FAM135A: variants seen among roughly 807,000 people sequenced by gnomAD.
FAM135A encodes the protein protein FAM135A.
FAM135A carries 79 observed loss-of-function variants against 146.8 expected under a neutral mutation model. That is an observed-to-expected ratio of 0.54 (90% confidence interval 0.45 to 0.65). FAM135A has a LOEUF of 0.65. FAM135A is among the 30% of genes least tolerant of loss of function. The probability of loss-of-function intolerance (pLI) is 0.00; values close to 1 mark genes in which losing one functional copy is unlikely to be tolerated. For synonymous variants in FAM135A, 562 were observed against 603.6 expected, an observed-to-expected ratio of 0.93 and a Z score of 1.01; for missense variants, 1,623 against 1,758.2, an observed-to-expected ratio of 0.92 and a Z score of 1.38.
At position 70,525,917 on chromosome 6, in the gene FAM135A, G is replaced by GC; in HGVS notation, c.2833_2834insC (p.Asp945AlafsTer5). Reference sequence around the variant, plus strand: ...TAGTTGCAGCTCCAAACCTAACTTGGATACTATGTGTAAAGGCTTCCAGAG... The same window carrying GC: ...TAGTTGCAGCTCCAAACCTAACTTGGCATACTATGTGTAAAGGCTTCCAGAG... On this transcript the variant is annotated frameshift_variant, in exon 15 of 22. Coordinates refer to ENST00000418814, the MANE Select transcript of FAM135A (RefSeq NM_001162529.3). LOFTEE classifies it high-confidence loss of function. 6.2e-7 allele frequency: 1 copy of GC among 1,613,264 alleles called. No individual in the cohort carries two copies. Among genetic ancestry groups the GC allele is most frequent in the South Asian group, 1.1e-5 (1 of 90,964 alleles).
intron 4 of FAM135A, among the ~76,000 whole-genome samples, chr6:70,441,914 ACCT>A (rs1003968530): frequency 1.3e-5 from 2 of 151,896 alleles, no homozygotes; most frequent in African/African-American, 4.8e-5. Context: ...CGTACTCCTG[ACCT>A]CGTGATCCAC....
At chr6:70,470,643 C>G (rs1354128762) in intron 5 of FAM135A, among the ~76,000 whole-genome samples, 1 of 152,222 alleles carries the variant, frequency 6.6e-6, no homozygotes, top group African/African-American at 2.4e-5. Flanking sequence ...AGGCGTGAGC[C>G]ACTGCACCCA....
intron 20 of FAM135A, among the ~76,000 whole-genome samples, chr6:70,542,557 A>G (rs1798134046): frequency 6.6e-6 from 1 of 152,162 alleles, no homozygotes; most frequent in Admixed American, 6.5e-5. Context: ...TTTTTGAGAC[A>G]GGGTCTCATG....
intron 4 of FAM135A, among the ~76,000 whole-genome samples, chr6:70,429,207 A>C (rs1167564172): frequency 6.6e-6 from 1 of 152,116 alleles, no homozygotes; most frequent in Non-Finnish European, 1.5e-5. Context: ...AGAAACGAAC[A>C]TGTTATTTTT....
At chr6:70,544,250 G>T (rs542297544) in intron 20 of FAM135A, among the ~76,000 whole-genome samples, 3 of 151,986 alleles carry the variant, frequency 2.0e-5, no homozygotes, top group African/African-American at 7.2e-5. Context: ...TTTAAGGCCA[G>T]CCTGGACACT....
rs62421876 is a variant in FAM135A at position 70,560,169 on chromosome 6, C to T, written c.*248C>T. ...TATTACTTTTTCATATATTTTGCTA[C>T]CTAAGTATTTCAGTGAAACTTTAAG... On this transcript the variant is annotated 3_prime_UTR_variant, in exon 22 of 22. Coordinates refer to ENST00000418814, the MANE Select transcript of FAM135A (RefSeq NM_001162529.3). The T allele has an allele frequency of 7.8e-3, 2,879 of 370,202 alleles. 18 individuals carry two copies. Among genetic ancestry groups the T allele is most frequent in the Middle Eastern group, 0.016 (21 of 1,276 alleles). The allele number at this position is 370,202 out of a possible 1,614,324, so 22.9% of individuals were successfully genotyped here.
chr6:70,543,244 G>T (rs1370387537), intron 20 of FAM135A, among the ~76,000 whole-genome samples: 1 of 152,124 alleles, frequency 6.6e-6, no homozygotes, highest in Non-Finnish European at 1.5e-5. Context: ...GTGAACTTAA[G>T]CCCTGGCCAT....
rs193276485 is a variant in FAM135A, at chr6:70,512,452, T to C, written c.1029+9661T>C. ...TAAAAAATCATTTTTTTTTCCAAAA[T>C]GGCTATACAGTTTTAAACTCCTAAC... On this transcript the variant is annotated intron_variant, in intron 12 of 21. Coordinates refer to ENST00000418814, the MANE Select transcript of FAM135A (RefSeq NM_001162529.3). Among the ~76,000 whole-genome samples, 595 of 151,878 alleles carry C rather than the reference T, an allele frequency of 3.9e-3. 8 individuals are homozygous for C. Among genetic ancestry groups the C allele is most frequent in the African/African-American group, 0.014 (574 of 41,516 alleles).
At chr6:70,535,734 C>T (rs1424322273) in intron 18 of FAM135A, among the ~76,000 whole-genome samples, 1 of 152,064 alleles carries the variant, frequency 6.6e-6, no homozygotes, top group Non-Finnish European at 1.5e-5. Flanking sequence ...TTTGCATAAT[C>T]GAAGATTCAT....
chr6:70,504,315 T>C (rs1356899533), intron 12 of FAM135A: 1 of 152,248 alleles, frequency 6.6e-6, no homozygotes, highest in East Asian at 1.9e-4. Flanking sequence ...TCTAATAAGA[T>C]AACTTTTTTC....
At chr6:70,533,694 T>C (rs962633109) in intron 17 of FAM135A, 63 bp from the exon 18 acceptor site, 5 of 959,212 alleles carry the variant, frequency 5.2e-6, no homozygotes, top group Non-Finnish European at 7.8e-6. Context: ...GTTTATATTG[T>C]TAGTTTTTCA....
In FAM135A at chr6:70,538,323, G is replaced by T. The variant is rs199844976; in HGVS notation, c.4150G>T (p.Gly1384Cys). 9.2e-6 allele frequency: 14 copies of T among 1,523,074 alleles called. No individual in the cohort carries two copies. The African/African-American group carries it at 1.4e-4, about 15-fold the overall frequency. The allele number at this position is 1,523,074 out of a possible 1,614,324, so 94.3% of individuals were successfully genotyped here. A position where few individuals can be genotyped will look rare whatever the true frequency, so the allele number is the denominator to read the frequency against. ...GTTTATGCAGAAATGGAAAAAATCA[G>T]GTTCGCTTTTGCAGCTGACATGTCG... is the stretch of plus-strand genomic sequence containing the variant. ...LWFMQKWKKS[G>C]SLLQLTCRDH... The change falls in exon 20 of 22, where the codon GGT becomes TGT. Residue 1384 changes from glycine (G) to cysteine (C), a missense_variant. Transcript: ENST00000418814.
In FAM135A at chr6:70,555,505, G is replaced by A. The variant is rs147069114; in HGVS notation, c.4229-1245G>A. Among the ~76,000 whole-genome samples the A allele has an allele frequency of 3.2e-3, 490 of 151,994 alleles. 2 individuals carry two copies. Among genetic ancestry groups the A allele is most frequent in the African/African-American group, 0.011 (439 of 41,454 alleles). ...TGGGCTCAGGCAATTTTCCCCCCTC[G>A]ACCTCCCAAAGTTCTGAGATTACAG... is the stretch of plus-strand genomic sequence containing the variant. On this transcript the variant is annotated intron_variant, in intron 20 of 21. Transcript: ENST00000418814.
In FAM135A at chr6:70,561,044, A is replaced by C. The variant is rs1272840276; in HGVS notation, c.*1123A>C. ...AAGGTTGGGTAGAAGTTCTGTTTGC[A>C]CTCACTAATTGTGACAGACAGAGGT... On this transcript the variant is annotated 3_prime_UTR_variant, in exon 22 of 22. Coordinates refer to ENST00000418814, the MANE Select transcript of FAM135A (RefSeq NM_001162529.3). 2 of 152,522 alleles carry C rather than the reference A, an allele frequency of 1.3e-5. No homozygotes were observed. The highest frequency in any genetic ancestry group is 3.8e-4 in the East Asian group (2 of 5,200). 9.4% of individuals were successfully genotyped at this position (152,522 alleles called of 1,614,324 possible). A position where few individuals can be genotyped will look rare whatever the true frequency, so the allele number is the denominator to read the frequency against.
rs1459495299 is a variant in FAM135A, at chr6:70,560,433, CTT to C, written c.*514_*515del. On this transcript the variant is annotated 3_prime_UTR_variant, in exon 22 of 22. Transcript: ENST00000418814. ...CAACTTCTGTAGTTCTAAAATACAA[CTT>C]TATCATACAATCAAACCAGGTAGTT... The C allele has an allele frequency of 1.3e-5, 2 of 152,962 alleles. No individual in the cohort carries two copies. Among genetic ancestry groups the C allele is most frequent in the African/African-American group, 4.8e-5 (2 of 41,450 alleles). 9.5% of individuals were successfully genotyped at this position (152,962 alleles called of 1,614,324 possible).
rs111347225 is a variant in FAM135A, at chr6:70,507,209, C to T, written c.1029+4418C>T. 4.2e-3 allele frequency among the ~76,000 whole-genome samples: 640 copies of T among 152,176 alleles called. 4 individuals are homozygous for T. The highest frequency in any genetic ancestry group is 0.015 in the African/African-American group (604 of 41,544). Reference sequence around the variant, plus strand: ...AGAAAATGTCCTAATGTTACTCAAGCAGGAATAAGCTTTGCCCTTCCCTGC... The same window carrying T: ...AGAAAATGTCCTAATGTTACTCAAGTAGGAATAAGCTTTGCCCTTCCCTGC... On this transcript the variant is annotated intron_variant, in intron 12 of 21. Coordinates refer to ENST00000418814, the MANE Select transcript of FAM135A (RefSeq NM_001162529.3).
chr6:70,557,967 A>G (rs1050430088), intron 21 of FAM135A, among the ~76,000 whole-genome samples: 8 of 152,180 alleles, frequency 5.3e-5, no homozygotes, highest in African/African-American at 1.9e-4. Context: ...GCTAGAGTCC[A>G]CCTAAGGAAA....
In FAM135A at chr6:70,501,134, A is replaced by G. The variant is rs565125813; in HGVS notation, c.874-1502A>G. Among the ~76,000 whole-genome samples the G allele has an allele frequency of 2.6e-5, 4 of 152,242 alleles. No homozygotes were observed. In the South Asian group the frequency reaches 8.3e-4, roughly 32 times the overall value. On this transcript the variant is annotated intron_variant, in intron 11 of 21. Coordinates refer to ENST00000418814, the MANE Select transcript of FAM135A (RefSeq NM_001162529.3). The stretch of plus-strand genomic sequence containing the variant: ...CCCCGAGGGGCTCTGTCCCAGGGAG[A>G]TGGGAGTTTATCTGTAAGCCCCTGA...
intron 12 of FAM135A, among the ~76,000 whole-genome samples, chr6:70,517,415 CTTTTTTTTTTT>C (rs746307665): frequency 7.9e-6 from 1 of 127,108 alleles, no homozygotes; most frequent in African/African-American, 3.0e-5. Context: ...CGTCTTTTTC[CTTTTTTTTTTT>C]TTTTTTTTTT....
Sources: allele counts gnomAD v4.1 joint callset (sites outside exome capture counted in the v4.1 genomes callset), GRCh38; gene constraint gnomAD v4.1.1; transcripts MANE v1.5; gene names NCBI Gene and HGNC (gene_info 2026-07-23, HGNC 2026-07-21).